Variants in PLBD2 observed in about 807,000 individuals in gnomAD.
PLBD2 encodes the protein putative aminopeptidase PLBD2.
In PLBD2, 51 loss-of-function variants were observed where a neutral mutation model predicts 68.3. That is an observed-to-expected ratio of 0.75 (90% CI 0.60 to 0.94). PLBD2 has a LOEUF of 0.94. PLBD2 is among the 40% of genes least tolerant of loss of function. The pLI is 0.00. For missense variants in PLBD2, 729 were observed against 792.2 expected (o/e 0.92, Z 0.96); for synonymous variants, 314 against 339.3 (o/e 0.93, Z 0.82).
intron 1 of PLBD2, among the ~76,000 whole-genome samples, chr12:113,361,755 C>G (rs1957298964): frequency 6.6e-6 from 1 of 152,122 alleles, no homozygotes; most frequent in Admixed American, 6.6e-5. Flanking sequence ...GGAGCAGAGC[C>G]TGCCTCAGTC....
intron 6 of PLBD2, among the ~76,000 whole-genome samples, chr12:113,381,695 G>T (rs1009597277): frequency 6.6e-6 from 1 of 152,208 alleles, no homozygotes; most frequent in African/African-American, 2.4e-5. Flanking sequence ...CTGGTTACCA[G>T]GAAAGGGTCT....
chr12:113,378,161 G>C (rs554200501), intron 5 of PLBD2, among the ~76,000 whole-genome samples: 1 of 152,084 alleles, frequency 6.6e-6, no homozygotes. Flanking sequence ...GCGTGGTGGC[G>C]CACACCTGTA....
At chr12:113,374,429 G>A (rs1565860844) in intron 3 of PLBD2, 45 bp from the exon 4 acceptor site, 2 of 1,305,342 alleles carry the variant, frequency 1.5e-6, no homozygotes, top group African/African-American at 2.9e-5. Context: ...GTGTGAGCCT[G>A]GAGGAGAGGC....
chr12:113,365,344 CAG>C (rs1345263818), intron 1 of PLBD2, among the ~76,000 whole-genome samples: 1 of 146,986 alleles, frequency 6.8e-6, no homozygotes, highest in Non-Finnish European at 1.5e-5. Context: ...TTTTTTTTGA[CAG>C]AGTCTCATTC....
chr12:113,378,334 A>G (rs1483922550), intron 5 of PLBD2, among the ~76,000 whole-genome samples: 1 of 152,130 alleles, frequency 6.6e-6, no homozygotes, highest in Non-Finnish European at 1.5e-5. Flanking sequence ...CATGCATGGA[A>G]TGGGGTGCTA....
rs1405221192 is a variant in PLBD2, at chr12:113,374,548, G to T, written c.618G>T (p.Lys206Asn). The change falls in exon 4 of 12, where the codon AAG (lysine) becomes AAT (asparagine). Residue 206 changes from lysine to asparagine, a missense_variant. Coordinates refer to ENST00000280800, the MANE Select transcript of PLBD2 (RefSeq NM_173542.4). The part of the protein sequence containing the change: ...YEGRVSFPAG[K>N]FTIKPLGFLL... ...GCCGTGTGAGCTTCCCAGCTGGGAA[G>T]TTCACCATCAAACCCTTGGGGTTCC... is the stretch of plus-strand genomic sequence containing the variant. 1 of 1,603,530 alleles carries T rather than the reference G, an allele frequency of 6.2e-7. No homozygotes were observed. Among genetic ancestry groups the T allele is most frequent in the Non-Finnish European group, 8.5e-7 (1 of 1,175,484 alleles).
At chr12:113,359,912 A>C (rs1455100678) in intron 1 of PLBD2, among the ~76,000 whole-genome samples, 4 of 152,072 alleles carry the variant, frequency 2.6e-5, no homozygotes, top group Non-Finnish European at 5.9e-5. Flanking sequence ...CCCGGGGTGC[A>C]TCCGTCATAT....
intron 5 of PLBD2, 134 bp from the exon 6 acceptor site, chr12:113,380,611 T>A (rs1323256743): frequency 1.5e-6 from 1 of 659,282 alleles, no homozygotes; most frequent in Non-Finnish European, 2.6e-6. Flanking sequence ...ATTTGCTAAA[T>A]GACAAAAAGG....
Position 113,388,669 on chromosome 12 carries a change from G to A in PLBD2, c.*43G>A, listed in dbSNP as rs189507294. 5.9e-6 allele frequency: 9 copies of A among 1,515,752 alleles called. No individual in the cohort carries two copies. Among genetic ancestry groups the A allele is most frequent in the East Asian group, 4.8e-5 (2 of 41,816 alleles). 93.9% of individuals were successfully genotyped at this position (1,515,752 alleles called of 1,614,324 possible). ...GCTGCTTTCGCCCCTGCTGACCCTCGTCAGGGTCACCCCCGTCCCAAGGCC... is the reference window on the plus strand; with the variant it reads ...GCTGCTTTCGCCCCTGCTGACCCTCATCAGGGTCACCCCCGTCCCAAGGCC... On this transcript the variant is annotated 3_prime_UTR_variant, in exon 12 of 12. Coordinates refer to ENST00000280800, the MANE Select transcript of PLBD2 (RefSeq NM_173542.4).
At chr12:113,368,118 G>A (rs1427791101) in intron 1 of PLBD2, among the ~76,000 whole-genome samples, 2 of 151,928 alleles carry the variant, frequency 1.3e-5, no homozygotes, top group African/African-American at 4.8e-5. Flanking sequence ...CCCCATTGCA[G>A]AACTGATCAG....
chr12:113,370,447 C>A (rs1250788307), intron 2 of PLBD2, among the ~76,000 whole-genome samples: 2 of 149,562 alleles, frequency 1.3e-5, no homozygotes, highest in African/African-American at 4.9e-5. Flanking sequence ...TCAGATAGTA[C>A]CTAGTGTAAT....
At chr12:113,387,995 T>C (rs1047152701) in intron 11 of PLBD2, 89 bp downstream of exon 11, 21 of 1,482,460 alleles carry the variant, frequency 1.4e-5, no homozygotes, top group Non-Finnish European at 1.9e-5. Context: ...GCAAAGCTGA[T>C]GGCGGGGCAG....
chr12:113,375,142 T>A, intron 5 of PLBD2, 135 bp downstream of exon 5: 1 of 851,900 alleles, frequency 1.2e-6, no homozygotes, highest in South Asian at 1.8e-5. Context: ...AGAGTTCATT[T>A]TGGTTTTGTT....
chr12:113,374,829 G>T lies in PLBD2; in HGVS notation c.681G>T (p.Glu227Asp). Residue 227 changes from glutamate to aspartate, a missense_variant, in exon 5 of 12, where the codon GAG (glutamate) becomes GAT (aspartate). Transcript: ENST00000280800. The stretch of plus-strand genomic sequence containing the variant: ...TCTCTGGGGACCTGGAAGACCTGGA[G>T]CTGGCCCTGAACAAGACCAAGATCA... ...LQLSGDLEDL[E>D]LALNKTKIKP... The T allele has an allele frequency of 6.2e-7, 1 of 1,613,782 alleles. No homozygotes were observed. The highest frequency in any genetic ancestry group is 8.5e-7 in the Non-Finnish European group (1 of 1,180,032).
chr12:113,384,830 C>T lies in PLBD2; in HGVS notation c.1119-21C>T. On this transcript the variant is annotated intron_variant, in intron 7 of 11. Coordinates refer to ENST00000280800, the MANE Select transcript of PLBD2 (RefSeq NM_173542.4). This position sits in a 1 kb window ranked among gnomAD's most constrained non-coding sequence, Gnocchi z 4.2. ...AGGTGGCTCCAGGCTCTGTTCAGTCCTCCCTTCCCCTGCCCGGCAGGTATA... is the reference window on the plus strand; with the variant it reads ...AGGTGGCTCCAGGCTCTGTTCAGTCTTCCCTTCCCCTGCCCGGCAGGTATA... 6.2e-7 allele frequency: 1 copy of T among 1,608,830 alleles called. No individual in the cohort carries two copies. Among genetic ancestry groups the T allele is most frequent in the Non-Finnish European group, 8.5e-7 (1 of 1,175,574 alleles).
chr12:113,388,621 G>A lies in PLBD2; in HGVS notation c.1765G>A (p.Asp589Asn). 6.3e-7 allele frequency: 1 copy of A among 1,583,744 alleles called. No individual in the cohort carries two copies. Among genetic ancestry groups the A allele is most frequent in the South Asian group, 1.1e-5 (1 of 88,422 alleles). Reference sequence around the variant, plus strand: ...GTTCGCGCCTGTCAAGGTTTCATGGGACTGAAGTTCTGTCCCTGCTCTGCT... The same window carrying A: ...GTTCGCGCCTGTCAAGGTTTCATGGAACTGAAGTTCTGTCCCTGCTCTGCT... ...WKFAPVKVSW[D>N] The change falls in exon 12 of 12, where the codon GAC (aspartate) becomes AAC (asparagine). Residue 589 changes from aspartate (D) to asparagine (N), a missense_variant. By Grantham distance (23) the Asp-to-Asn change is conservative. Transcript: ENST00000280800.
chr12:113,388,911 T>G lies in PLBD2; in HGVS notation c.*285T>G. 7.1e-6 allele frequency: 2 copies of G among 280,592 alleles called. No homozygotes were observed. The highest frequency in any genetic ancestry group is 6.6e-6 in the Non-Finnish European group (1 of 151,728). The allele number at this position is 280,592 out of a possible 1,614,324, so 17.4% of individuals were successfully genotyped here. On this transcript the variant is annotated 3_prime_UTR_variant, in exon 12 of 12. Coordinates refer to ENST00000280800, the MANE Select transcript of PLBD2 (RefSeq NM_173542.4). ...CCTACTGCTGCTCTCTCAACCTCAT[T>G]CCCACCTCTGGGGCCCCTTCCTCGT...
intron 5 of PLBD2, among the ~76,000 whole-genome samples, chr12:113,377,527 G>T (rs1036802826): frequency 6.6e-6 from 1 of 152,184 alleles, no homozygotes; most frequent in Non-Finnish European, 1.5e-5. Context: ...CTAGGTTCAA[G>T]CGATTCTTCT....
At position 113,374,418 on chromosome 12, in the gene PLBD2, G is replaced by T. The variant is rs1247815652; in HGVS notation, c.544-56G>T. 5 of 1,186,486 alleles carry T rather than the reference G, an allele frequency of 4.2e-6. No individual in the cohort carries two copies. The South Asian group carries it at 5.2e-5, about 12-fold the overall frequency. 73.5% of individuals were successfully genotyped at this position (1,186,486 alleles called of 1,614,324 possible). ...CAGAGCCCGTCCCGTTGAAGGAGAAGGTGTGAGCCTGGAGGAGAGGCCTCA... is the reference window on the plus strand; with the variant it reads ...CAGAGCCCGTCCCGTTGAAGGAGAATGTGTGAGCCTGGAGGAGAGGCCTCA... On this transcript the variant is annotated intron_variant, in intron 3 of 11. Coordinates refer to ENST00000280800, the MANE Select transcript of PLBD2 (RefSeq NM_173542.4).
Sources: allele counts gnomAD v4.1 joint callset (sites outside exome capture counted in the v4.1 genomes callset), GRCh38; gene constraint gnomAD v4.1.1; non-coding constraint Gnocchi (gnomAD v3.1); transcripts MANE v1.5; gene names NCBI Gene and HGNC (gene_info 2026-07-23, HGNC 2026-07-21).